WFS1: variants seen among roughly 807,000 people sequenced by gnomAD.
The protein encoded by WFS1 is wolframin.
In WFS1, 90 loss-of-function variants were observed where a neutral mutation model predicts 68.5. The ratio of observed to expected loss-of-function variants is 1.31; its 90% CI spans 1.11 to 1.56. The LOEUF (loss-of-function observed/expected upper bound fraction) is 1.56, where lower values mean the gene tolerates loss of function less well. WFS1 is among the 40% of genes most tolerant of loss of function. The pLI is 0.00. For missense variants in WFS1, 1,767 were observed against 1,232.6 expected (o/e 1.43, Z -6.49); for synonymous variants, 860 against 540.7 (o/e 1.59, Z -8.19).
At position 6,302,794 on chromosome 4, in the gene WFS1, T is replaced by G. The variant is rs1578614255; in HGVS notation, c.*326T>G. On this transcript the variant is annotated 3_prime_UTR_variant, in exon 8 of 8. Transcript: ENST00000226760. ...AGCACTTTACAGATGAGATTCCCTC[T>G]CCTCCCCCACCTTCAAGCACCCTGT... The G allele has an allele frequency of 6.7e-6, 3 of 448,048 alleles. No homozygotes were observed. In the East Asian group the frequency reaches 1.2e-4, roughly 18 times the overall value. The allele number at this position is 448,048 out of a possible 1,614,324, so 27.8% of individuals were successfully genotyped here.
chr4:6,291,544 C>G (rs979219552), intron 5 of WFS1, among the ~76,000 whole-genome samples, 177 bp downstream of exon 5: 1 of 152,160 alleles, frequency 6.6e-6, no homozygotes, highest in Non-Finnish European at 1.5e-5. Flanking sequence ...CCAGAACCTT[C>G]CTGTAGAGAC....
rs1000737720 is a variant in WFS1 at position 6,283,098 on chromosome 4, G to T, written c.233-3995G>T. Among the ~76,000 whole-genome samples, 4 of 152,208 alleles carry T rather than the reference G, an allele frequency of 2.6e-5. No individual in the cohort carries two copies. Among genetic ancestry groups the T allele is most frequent in the African/African-American group, 7.2e-5 (3 of 41,450 alleles). The stretch of plus-strand genomic sequence containing the variant: ...TATGGCAGTGGGCTGTGCCGGGAAG[G>T]GGCGCATCCTGGAGGATGCCCTAGG... On this transcript the variant is annotated intron_variant, in intron 2 of 7. Coordinates refer to ENST00000226760, the MANE Select transcript of WFS1 (RefSeq NM_006005.3). This position sits in a 1 kb window ranked among gnomAD's most constrained non-coding sequence, Gnocchi z 5.0.
At chr4:6,292,398 C>G (rs555004646) in intron 6 of WFS1, among the ~76,000 whole-genome samples, 48 of 151,086 alleles carry the variant, frequency 3.2e-4, no homozygotes, top group African/African-American at 1.1e-3. Flanking sequence ...ACAGCATGAG[C>G]AAAGGCCCAG....
Position 6,301,848 on chromosome 4 carries a change from CGCACCCAGATCCTCT to C in WFS1, c.2057_2071del (p.Thr686_Cys690del). On this transcript the variant is annotated inframe_deletion, in exon 8 of 8. Coordinates refer to ENST00000226760, the MANE Select transcript of WFS1 (RefSeq NM_006005.3). ...CGCCTGGAAGGAGACCAACATGGCGCGCACCCAGATCCTCTGCAGCCACCTGGAGGGCCACAGGGT... is the reference window on the plus strand; with the variant it reads ...CGCCTGGAAGGAGACCAACATGGCGCGCAGCCACCTGGAGGGCCACAGGGT... 6.2e-7 allele frequency: 1 copy of C among 1,612,938 alleles called. No individual in the cohort carries two copies. The highest frequency in any genetic ancestry group is 8.5e-7 in the Non-Finnish European group (1 of 1,179,944).
intron 2 of WFS1, among the ~76,000 whole-genome samples, chr4:6,280,215 GCTGAGAGGTGTTGT>G (rs1438381433): frequency 3.3e-5 from 5 of 152,348 alleles, no homozygotes; most frequent in African/African-American, 1.2e-4. Context: ...ATGCCCACGT[GCTGAGAGGTGTTGT>G]CTGTCCTGAT....
In WFS1 at chr4:6,301,778, C is replaced by G; in HGVS notation, c.1983C>G (p.Asn661Lys). ...GCTCAGAGGGCATGAAGGTCTACAA[C>G]TCCACACTGACCTGGCAGCAGTATG... The part of the protein sequence containing the change: ...VYRSEGMKVY[N>K]STLTWQQYGA... The change falls in exon 8 of 8, where the codon AAC becomes AAG. Residue 661 changes from asparagine to lysine, a missense_variant. Transcript: ENST00000226760. The G allele has an allele frequency of 1.2e-6, 2 of 1,613,586 alleles. No homozygotes were observed. Among genetic ancestry groups the G allele is most frequent in the Non-Finnish European group, 1.7e-6 (2 of 1,180,040 alleles).
At chr4:6,271,228 G>A (rs961190922) in intron 1 of WFS1, among the ~76,000 whole-genome samples, 1 of 152,222 alleles carries the variant, frequency 6.6e-6, no homozygotes, top group Non-Finnish European at 1.5e-5. Flanking sequence ...TCCAACCAGG[G>A]ATTTGGAGGG....
chr4:6,279,467 T>A (rs1730090403), intron 2 of WFS1, among the ~76,000 whole-genome samples: 1 of 151,988 alleles, frequency 6.6e-6, no homozygotes, highest in Admixed American at 6.6e-5. Context: ...GAGGGGAGAT[T>A]TAAACATACC....
Position 6,302,636 on chromosome 4 carries a change from A to T in WFS1, c.*168A>T, listed in dbSNP as rs1730998594. 6.3e-6 allele frequency: 6 copies of T among 955,002 alleles called. No homozygotes were observed. The East Asian group carries it at 1.6e-4, about 25-fold the overall frequency. 59.2% of individuals were successfully genotyped at this position (955,002 alleles called of 1,614,324 possible). On this transcript the variant is annotated 3_prime_UTR_variant, in exon 8 of 8. Coordinates refer to ENST00000226760, the MANE Select transcript of WFS1 (RefSeq NM_006005.3). ...GATTGCGTGGACCCCGACAAAGGGA[A>T]GGCTGCTGTGTAGCTCTGTCCACTC...
intron 2 of WFS1, among the ~76,000 whole-genome samples, chr4:6,286,421 C>T (rs571720092): frequency 1.3e-5 from 2 of 152,272 alleles, no homozygotes; most frequent in South Asian, 2.1e-4. Context: ...TCAGTAGACA[C>T]GGAGTCTGCA....
chr4:6,295,029 C>T lies in WFS1; in HGVS notation c.713-12C>T, dbSNP rs1371436094. On this transcript the variant is annotated splice_polypyrimidine_tract_variant and intron_variant, in intron 6 of 7. Coordinates refer to ENST00000226760, the MANE Select transcript of WFS1 (RefSeq NM_006005.3). ...GTGTGGGGCGCCCATGCTGTTTTCT[C>T]TCATGCTTCAGCCAAGAACTACATC... 3 of 1,613,406 alleles carry T rather than the reference C, an allele frequency of 1.9e-6. No homozygotes were observed. Among genetic ancestry groups the T allele is most frequent in the South Asian group, 1.1e-5 (1 of 91,074 alleles).
chr4:6,282,204 T>C (rs1362382888), intron 2 of WFS1, among the ~76,000 whole-genome samples: 1 of 152,240 alleles, frequency 6.6e-6, no homozygotes, highest in Non-Finnish European at 1.5e-5. Context: ...CTGAGGACCA[T>C]TCAGCCTGTC....
intron 1 of WFS1, among the ~76,000 whole-genome samples, chr4:6,273,418 G>C (rs1216190844): frequency 6.6e-6 from 1 of 152,244 alleles, no homozygotes; most frequent in African/African-American, 2.4e-5. Context: ...AGTTGGGGCT[G>C]AGTGCCCCAC....
chr4:6,301,724 C>G lies in WFS1; in HGVS notation c.1929C>G (p.Ile643Met), dbSNP rs544473222. ...VKLILVWLTA[I>M]VLFCWFYVYR... ...TCATCCTGGTGTGGCTCACGGCCAT[C>G]GTGCTGTTCTGCTGGTTCTATGTGT... Residue 643 changes from isoleucine to methionine, a missense_variant, in exon 8 of 8, where the codon ATC becomes ATG. Coordinates refer to ENST00000226760, the MANE Select transcript of WFS1 (RefSeq NM_006005.3). 22 of 1,614,054 alleles carry G rather than the reference C, an allele frequency of 1.4e-5. 1 individual carries two copies. The South Asian group carries it at 2.2e-4, about 16-fold the overall frequency.
chr4:6,295,978 C>T lies in WFS1; in HGVS notation c.861+789C>T, dbSNP rs368457256. 2.4e-4 allele frequency among the ~76,000 whole-genome samples: 36 copies of T among 152,334 alleles called. No homozygotes were observed. In the East Asian group the frequency reaches 2.7e-3, roughly 11 times the overall value. On this transcript the variant is annotated intron_variant, in intron 7 of 7. Transcript: ENST00000226760. ...CAGGATCCCCAAGCTGAGGCCAGCACAGGGGGCCCCAGCAGATGATTGTCA... is the reference window on the plus strand; with the variant it reads ...CAGGATCCCCAAGCTGAGGCCAGCATAGGGGGCCCCAGCAGATGATTGTCA...
At chr4:6,274,565 C>CGCCTG (rs1729936432) in intron 1 of WFS1, among the ~76,000 whole-genome samples, 1 of 152,070 alleles carries the variant, frequency 6.6e-6, no homozygotes, top group Admixed American at 6.5e-5. Flanking sequence ...GAGAGGTGAT[C>CGCCTG]GCCTGAGTGC....
chr4:6,300,840 A>G lies in WFS1; in HGVS notation c.1045A>G (p.Ile349Val), dbSNP rs1192507929. 3.7e-6 allele frequency: 6 copies of G among 1,613,962 alleles called. No individual in the cohort carries two copies. In the Admixed American group the frequency reaches 5.0e-5, roughly 13 times the overall value. ...CTTCGCCTTCTTCATCCCGCTGGTC[A>G]TCTTCTACCTGTCCTTCATCTCCAT... ...DFFAFFIPLV[I>V]FYLSFISMVI... Residue 349 changes from isoleucine (I) to valine (V), a missense_variant, in exon 8 of 8, where the codon ATC (isoleucine) becomes GTC (valine). Physicochemically the swap from Ile to Val is conservative, Grantham distance 29 (BLOSUM62 3). Coordinates refer to ENST00000226760, the MANE Select transcript of WFS1 (RefSeq NM_006005.3).
chr4:6,286,708 G>A (rs542444299), intron 2 of WFS1, among the ~76,000 whole-genome samples: 3 of 152,200 alleles, frequency 2.0e-5, no homozygotes, highest in African/African-American at 7.2e-5. Context: ...TATTATTTAG[G>A]TCATGGGCTG....
At chr4:6,280,036 C>T (rs1340829285) in intron 2 of WFS1, among the ~76,000 whole-genome samples, 3 of 151,674 alleles carry the variant, frequency 2.0e-5, no homozygotes, top group Non-Finnish European at 4.4e-5. Context: ...GCCAACGGGT[C>T]GGGGCTTGGA....
Sources: allele counts gnomAD v4.1 joint callset (sites outside exome capture counted in the v4.1 genomes callset), GRCh38; gene constraint gnomAD v4.1.1; non-coding constraint Gnocchi (gnomAD v3.1); transcripts MANE v1.5; gene names NCBI Gene and HGNC (gene_info 2026-07-23, HGNC 2026-07-21).